DPM1: variants seen among roughly 807,000 people sequenced by gnomAD.
The protein encoded by DPM1 is dolichol-phosphate mannosyltransferase subunit 1.
A neutral mutation model predicts 39.0 loss-of-function variants in DPM1; 27 were observed. The ratio of observed to expected loss-of-function variants is 0.69; its 90% CI spans 0.51 to 0.95. DPM1 has a LOEUF of 0.95. DPM1 is among the 40% of genes least tolerant of loss of function. The probability of loss-of-function intolerance (pLI) is 0.00; values close to 1 mark genes in which losing one functional copy is unlikely to be tolerated. For synonymous variants in DPM1, 124 were observed against 109.0 expected, an observed-to-expected ratio of 1.14 and a Z score of -0.86; for missense variants, 307 against 315.6, an observed-to-expected ratio of 0.97 and a Z score of 0.21.
intron 2 of DPM1, among the ~76,000 whole-genome samples, chr20:50,950,341 G>T (rs16995634): frequency 0.035 from 5,402 of 152,216 alleles, 223 homozygotes; most frequent in African/African-American, 0.086. Flanking sequence ...CTGCTGTCTG[G>T]TAAGAGCTTA....
chr20:50,936,055 A>T, intron 8 of DPM1, 93 bp downstream of exon 8: 1 of 855,308 alleles, frequency 1.2e-6, no homozygotes, highest in Non-Finnish European at 2.0e-6. Context: ...ACAATTTAGC[A>T]GTTATGAAAG....
intron 6 of DPM1, among the ~76,000 whole-genome samples, chr20:50,941,360 C>CATATACATATATATTCATATT (rs1568762937): frequency 1.9e-4 from 22 of 116,014 alleles, no homozygotes; most frequent in African/African-American, 8.3e-4. Flanking sequence ...TATTCATATA[C>CATATACATATATATTCATATT]ATATATATTC....
chr20:50,953,468 T>G (rs1389480170), intron 2 of DPM1, among the ~76,000 whole-genome samples: 1 of 152,242 alleles, frequency 6.6e-6, no homozygotes, highest in African/African-American at 2.4e-5. Flanking sequence ...CATCTGTCAC[T>G]AAAAGCAAGT....
At chr20:50,955,436 TC>T in intron 1 of DPM1, 151 bp from the exon 2 acceptor site, 1 of 661,674 alleles carries the variant, frequency 1.5e-6, no homozygotes, top group Non-Finnish European at 2.6e-6. Flanking sequence ...GAAATAAATG[TC>T]AAACATTTAG....
chr20:50,940,736 A>G (rs1431038673), intron 7 of DPM1, 129 bp downstream of exon 7: 4 of 802,182 alleles, frequency 5.0e-6, no homozygotes, highest in Non-Finnish European at 8.4e-6. Context: ...ACTTCTAGGA[A>G]TTTTAGTCTG....
At chr20:50,948,749 T>C (rs1025779156) in intron 2 of DPM1, 87 bp from the exon 3 acceptor site, 1 of 1,206,454 alleles carries the variant, frequency 8.3e-7, no homozygotes, top group South Asian at 1.2e-5. Flanking sequence ...GCATACTCAC[T>C]TTAATAGAAA....
rs1272097668 is a variant in DPM1 at position 50,945,875 on chromosome 20, ATGATGTAGTTTCC to A, written c.331_343del (p.Gly111LeufsTer45). 41 of 1,613,612 alleles carry A rather than the reference ATGATGTAGTTTCC, an allele frequency of 2.5e-5. No individual in the cohort carries two copies. Among genetic ancestry groups the A allele is most frequent in the Non-Finnish European group, 3.1e-5 (37 of 1,179,786 alleles). On this transcript the variant is annotated frameshift_variant, in exon 4 of 9. Transcript: ENST00000371588. LOFTEE classifies it high-confidence loss of function. ...GTGTGAGAGATCAGCATCCATAATA[ATGATGTAGTTTCC>A]TGTGGCATGTTTCATTCCATGAATA...
intron 5 of DPM1, 126 bp downstream of exon 5, chr20:50,945,607 CTTTG>C (rs1193046757): frequency 1.0e-6 from 1 of 964,362 alleles, no homozygotes. Flanking sequence ...ACTTCCCAAA[CTTTG>C]TTTATATTTT....
chr20:50,954,704 A>C (rs1986740173), intron 2 of DPM1, among the ~76,000 whole-genome samples: 1 of 152,188 alleles, frequency 6.6e-6, no homozygotes, highest in African/African-American at 2.4e-5. Flanking sequence ...CTATAGACTA[A>C]AAATGCCAAG....
chr20:50,935,522 AG>A (rs1301410845), intron 8 of DPM1, among the ~76,000 whole-genome samples: 3 of 152,242 alleles, frequency 2.0e-5, no homozygotes, highest in Non-Finnish European at 4.4e-5. Context: ...TTGCATTTCA[AG>A]GAAAAATTAT....
chr20:50,958,520 C>G lies in DPM1; in HGVS notation c.4G>C (p.Ala2Pro), dbSNP rs1164243506. The G allele has an allele frequency of 6.2e-7, 1 of 1,613,504 alleles. No homozygotes were observed. The part of the protein sequence containing the change: M[A>P]SLEVSRSPRR... ...GGACTACGACTGACTTCCAAGGAGG[C>G]CATGGCGGAACTGAGCCAGATGCCG... Residue 2 changes from alanine to proline, a missense_variant, in exon 1 of 9, where the codon GCC becomes CCC. By Grantham distance (27) the Ala-to-Pro change is conservative. Coordinates refer to ENST00000371588, the MANE Select transcript of DPM1 (RefSeq NM_003859.3).
chr20:50,957,466 C>A (rs1307565599), intron 1 of DPM1, among the ~76,000 whole-genome samples: 2 of 152,140 alleles, frequency 1.3e-5, no homozygotes, highest in African/African-American at 2.4e-5. Flanking sequence ...AAAGGAGCAC[C>A]GCTATGTGTC....
At chr20:50,956,279 A>G (rs2123146387) in intron 1 of DPM1, among the ~76,000 whole-genome samples, 1 of 152,320 alleles carries the variant, frequency 6.6e-6, no homozygotes, top group South Asian at 2.1e-4. Context: ...ACGACATAAC[A>G]TTCCGTTTTC....
Position 50,958,515 on chromosome 20 carries a change from G to C in DPM1, c.9C>G (p.Ser3=), listed in dbSNP as rs150509150. MA[S]LEVSRSPRRS... ...TGCGAGGACTACGACTGACTTCCAA[G>C]GAGGCCATGGCGGAACTGAGCCAGA... Residue 3 remains serine, a synonymous_variant, in exon 1 of 9, where the codon TCC becomes TCG. Transcript: ENST00000371588. 8.0e-5 allele frequency: 129 copies of C among 1,613,672 alleles called. No homozygotes were observed. Among genetic ancestry groups the C allele is most frequent in the Non-Finnish European group, 1.0e-4 (122 of 1,179,988 alleles).
intron 2 of DPM1, among the ~76,000 whole-genome samples, chr20:50,950,077 T>C (rs974835793): frequency 2.6e-5 from 4 of 152,228 alleles, no homozygotes; most frequent in Admixed American, 2.0e-4. Context: ...TTATCTTCTG[T>C]ACTATTATGC....
Position 50,949,811 on chromosome 20 carries a change from C to T in DPM1, c.262-1149G>A, listed in dbSNP as rs192271523. On this transcript the variant is annotated intron_variant, in intron 2 of 8. Transcript: ENST00000371588. ...GCAATCTGCTGGAGGTTTCTATTTG[C>T]ATGGAATGTCTTTTTCCATCCCTTC... is the stretch of plus-strand genomic sequence containing the variant. Among the ~76,000 whole-genome samples, 19 of 151,106 alleles carry T rather than the reference C, an allele frequency of 1.3e-4. No homozygotes were observed. In the East Asian group the frequency reaches 3.3e-3, roughly 26 times the overall value.
At chr20:50,945,822 G>T in intron 4 of DPM1, 25 bp downstream of exon 4, 1 of 1,611,042 alleles carries the variant, frequency 6.2e-7, no homozygotes, top group Non-Finnish European at 8.5e-7. Context: ...ACCATAAATA[G>T]CTAATAAAGA....
At chr20:50,942,834 T>C (rs1985959299) in intron 5 of DPM1, among the ~76,000 whole-genome samples, 1 of 152,112 alleles carries the variant, frequency 6.6e-6, no homozygotes, top group Admixed American at 6.5e-5. Flanking sequence ...TTTACAAAAT[T>C]GGGATGCAAA....
intron 2 of DPM1, among the ~76,000 whole-genome samples, chr20:50,951,790 A>G (rs899681166): frequency 2.7e-5 from 4 of 150,300 alleles, no homozygotes; most frequent in Non-Finnish European, 4.4e-5. Flanking sequence ...TCCAATCTCA[A>G]AAAAAAAATA....
Sources: allele counts gnomAD v4.1 joint callset (sites outside exome capture counted in the v4.1 genomes callset), GRCh38; gene constraint gnomAD v4.1.1; transcripts MANE v1.5; gene names NCBI Gene and HGNC (gene_info 2026-07-23, HGNC 2026-07-21).